Variants in KIF5C observed in about 807,000 individuals in gnomAD.
KIF5C encodes kinesin family member 5C, also known as kinesin heavy chain isoform 5C.
Under a neutral mutation model 125.2 loss-of-function variants are expected in KIF5C, and 18 were observed. The ratio of observed to expected loss-of-function variants is 0.14; its 90% CI spans 0.10 to 0.21. KIF5C has a LOEUF of 0.21. KIF5C is among the 10% of genes least tolerant of loss of function. KIF5C has a pLI of 1.00. For missense variants in KIF5C, 780 were observed against 1,183.8 expected (o/e 0.66, Z 5.01); for synonymous variants, 405 against 434.0 (o/e 0.93, Z 0.83).
intron 24 of KIF5C, 67 bp downstream of exon 24, chr2:149,010,418 A>G (rs1558947508): frequency 1.4e-6 from 2 of 1,478,722 alleles, no homozygotes; most frequent in East Asian, 2.5e-5. Context: ...CAGATTTGCT[A>G]AAAGGTGAAG....
At chr2:148,895,474 T>C (rs1283231584) in intron 1 of KIF5C, among the ~76,000 whole-genome samples, 2 of 151,004 alleles carry the variant, frequency 1.3e-5, no homozygotes, top group Admixed American at 1.3e-4. Context: ...ATGGCAAACA[T>C]TTTTTTGGCC....
chr2:149,008,865 A>G (rs143559315), intron 23 of KIF5C, among the ~76,000 whole-genome samples: 318 of 152,258 alleles, frequency 2.1e-3, no homozygotes, highest in African/African-American at 6.5e-3. Flanking sequence ...TAGATTCTAG[A>G]TAGTTGAAGT....
chr2:148,935,025 C>A, intron 3 of KIF5C: 1 of 392,664 alleles, frequency 2.5e-6, no homozygotes. Flanking sequence ...TGAGCTGGAT[C>A]AAGCAGCCCA....
intron 22 of KIF5C, among the ~76,000 whole-genome samples, chr2:149,006,021 A>G (rs1681994949): frequency 6.6e-6 from 1 of 152,216 alleles, no homozygotes; most frequent in Non-Finnish European, 1.5e-5. Flanking sequence ...AGAGCCAGAG[A>G]TAGGTCTGGA....
In KIF5C at chr2:148,962,135, G is replaced by A. The variant is rs1392217506; in HGVS notation, c.1117+16G>A. ...TGGAGGAATGGTAAGGAAAAGTAAGGAGGAAGAGTGAGGCATGAGTGTGTG... is the reference window on the plus strand; with the variant it reads ...TGGAGGAATGGTAAGGAAAAGTAAGAAGGAAGAGTGAGGCATGAGTGTGTG... On this transcript the variant is annotated intron_variant, in intron 11 of 25. Transcript: ENST00000435030. The A allele has an allele frequency of 1.9e-6, 3 of 1,587,138 alleles. No individual in the cohort carries two copies. The highest frequency in any genetic ancestry group is 2.6e-6 in the Non-Finnish European group (3 of 1,167,118).
chr2:148,967,822 G>A (rs1452321819), intron 11 of KIF5C, among the ~76,000 whole-genome samples: 1 of 152,014 alleles, frequency 6.6e-6, no homozygotes, highest in Non-Finnish European at 1.5e-5. Context: ...CTATTGCTTT[G>A]TTGCTCATAT....
In KIF5C at chr2:148,932,630, G is replaced by A. The variant is rs143482615; in HGVS notation, c.291+3276G>A. On this transcript the variant is annotated intron_variant, in intron 3 of 25. Coordinates refer to ENST00000435030, the MANE Select transcript of KIF5C (RefSeq NM_004522.3). ...GCTGGGAAGGGCCTCTCCTGGCCCC[G>A]TGCCCTCCTTTGTGATCCTCTTCTG... Among the ~76,000 whole-genome samples, 414 of 152,256 alleles carry A rather than the reference G, an allele frequency of 2.7e-3. 6 individuals carry two copies. The highest frequency in any genetic ancestry group is 9.7e-3 in the African/African-American group (401 of 41,546).
chr2:148,898,250 C>A (rs546391088), intron 1 of KIF5C, among the ~76,000 whole-genome samples: 2 of 152,124 alleles, frequency 1.3e-5, no homozygotes, highest in Non-Finnish European at 2.9e-5. Flanking sequence ...GCCAAAGTTG[C>A]CAGTTCCCTG....
At chr2:148,897,918 C>CAAAAAAA (rs55762538) in intron 1 of KIF5C, among the ~76,000 whole-genome samples, 1 of 20,452 alleles carries the variant, frequency 4.9e-5, no homozygotes, top group African/African-American at 2.3e-4. Context: ...GACTCAGTCT[C>CAAAAAAA]AAAAAAAAAA....
chr2:148,902,725 T>G (rs547512658), intron 1 of KIF5C, among the ~76,000 whole-genome samples: 1 of 152,334 alleles, frequency 6.6e-6, no homozygotes, highest in East Asian at 1.9e-4. Flanking sequence ...AATTAGAATA[T>G]TTTGTAGTGC....
At chr2:148,875,765 C>T (rs1440211281) in intron 1 of KIF5C, 22 bp downstream of exon 1, 23 of 1,596,054 alleles carry the variant, frequency 1.4e-5, no homozygotes, top group Non-Finnish European at 2.0e-5. Flanking sequence ...GGGCGTCTGC[C>T]TTCCCTGCTG....
At chr2:148,972,237 G>C (rs554248030) in intron 11 of KIF5C, among the ~76,000 whole-genome samples, 7 of 152,288 alleles carry the variant, frequency 4.6e-5, no homozygotes, top group South Asian at 2.1e-4. Flanking sequence ...CTTCTATCAT[G>C]TATTTTTGAA....
rs762526211 is a variant in KIF5C, at chr2:148,875,753, TG to T, written c.126+14del. 4 of 1,600,836 alleles carry T rather than the reference TG, an allele frequency of 2.5e-6. No homozygotes were observed. The highest frequency in any genetic ancestry group is 1.7e-5 in the Admixed American group (1 of 58,368). On this transcript the variant is annotated intron_variant, in intron 1 of 25. Transcript: ENST00000435030. ...GACCGTGGTGATCGGGGTAAGTGGC[TG>T]GGGCGTCTGCCTTCCCTGCTGCTCC...
chr2:148,920,889 G>C (rs1377731451), intron 1 of KIF5C, among the ~76,000 whole-genome samples: 1 of 152,180 alleles, frequency 6.6e-6, no homozygotes. Context: ...GGGAGAAAAG[G>C]AGGCTCTTGG....
chr2:149,021,360 A>G (rs929734311), intron 25 of KIF5C, among the ~76,000 whole-genome samples: 1 of 150,924 alleles, frequency 6.6e-6, no homozygotes, highest in African/African-American at 2.4e-5. Context: ...CAGCCACTGC[A>G]CTTGGCCAAG....
At chr2:148,880,198 G>A (rs555455542) in intron 1 of KIF5C, among the ~76,000 whole-genome samples, 18 of 151,636 alleles carry the variant, frequency 1.2e-4, no homozygotes, top group Admixed American at 5.9e-4. Context: ...CTGGCTTATC[G>A]CAACCTCTGC....
intron 14 of KIF5C, among the ~76,000 whole-genome samples, chr2:148,982,599 C>T (rs1167908294): frequency 1.3e-5 from 2 of 152,188 alleles, no homozygotes; most frequent in Non-Finnish European, 1.5e-5. Flanking sequence ...GGGACTACTG[C>T]CTCTGAGGAT....
At chr2:148,975,091 G>C (rs1286025499) in intron 12 of KIF5C, among the ~76,000 whole-genome samples, 1 of 152,160 alleles carries the variant, frequency 6.6e-6, no homozygotes, top group Non-Finnish European at 1.5e-5. Context: ...TTTTCCTACA[G>C]CATGTGCTTT....
chr2:148,901,162 C>T (rs776292931), intron 1 of KIF5C, among the ~76,000 whole-genome samples: 4 of 152,140 alleles, frequency 2.6e-5, no homozygotes, highest in Non-Finnish European at 1.5e-5. Flanking sequence ...CACATCTATA[C>T]ATCATTGTAT....
Sources: allele counts gnomAD v4.1 joint callset (sites outside exome capture counted in the v4.1 genomes callset), GRCh38; gene constraint gnomAD v4.1.1; transcripts MANE v1.5; gene names NCBI Gene and HGNC (gene_info 2026-07-23, HGNC 2026-07-21).